TSPO: variants seen among roughly 807,000 people sequenced by gnomAD.
TSPO encodes the protein benzodiazepine peripheral binding site.
Under a neutral mutation model 13.9 loss-of-function variants are expected in TSPO, and 14 were observed. The ratio of observed to expected loss-of-function variants is 1.01; its 90% confidence interval spans 0.67 to 1.58. The LOEUF (loss-of-function observed/expected upper bound fraction) is 1.58, where lower values mean the gene tolerates loss of function less well. TSPO is among the 40% of genes most tolerant of loss of function. The pLI is 0.00. For synonymous variants in TSPO, 114 were observed against 105.9 expected (o/e 1.08, Z -0.47); for missense variants, 232 against 229.6 (o/e 1.01, Z -0.07).
intron 1 of TSPO, among the ~76,000 whole-genome samples, chr22:43,153,720 C>CT (rs992811026): frequency 1.3e-5 from 2 of 151,426 alleles, no homozygotes; most frequent in African/African-American, 2.4e-5. Context: ...AAACGGTAGT[C>CT]TTTTTTATTT....
At chr22:43,154,643 C>CAAAGTGCTGAGATTA (rs1236499654) in intron 1 of TSPO, among the ~76,000 whole-genome samples, 3 of 152,052 alleles carry the variant, frequency 2.0e-5, no homozygotes, top group Admixed American at 1.3e-4. Context: ...CAGGTGTGAG[C>CAAAGTGCTGAGATTA]CACCGTTCCT....
chr22:43,161,233 C>G (rs1423262624), intron 3 of TSPO, 43 bp downstream of exon 3: 1 of 1,583,982 alleles, frequency 6.3e-7, no homozygotes, highest in Admixed American at 1.8e-5. Flanking sequence ...CTGGATCCGA[C>G]CCTTGGAGGA....
At chr22:43,155,714 C>T (rs1303782057) in intron 1 of TSPO, among the ~76,000 whole-genome samples, 2 of 152,144 alleles carry the variant, frequency 1.3e-5, no homozygotes, top group African/African-American at 2.4e-5. Context: ...GGAAGCCAGG[C>T]CCAGAGACGA....
intron 2 of TSPO, among the ~76,000 whole-genome samples, chr22:43,160,671 C>A (rs1228397635): frequency 6.6e-6 from 1 of 152,132 alleles, no homozygotes; most frequent in African/African-American, 2.4e-5. Flanking sequence ...CTGTTTCCTC[C>A]CCTGGAAAAC....
chr22:43,162,144 C>T (rs562818886), intron 3 of TSPO, among the ~76,000 whole-genome samples: 27 of 146,298 alleles, frequency 1.8e-4, no homozygotes, highest in Middle Eastern at 7.4e-3. Context: ...TTTTTTGAGA[C>T]GGAGTCTCGC....
intron 3 of TSPO, among the ~76,000 whole-genome samples, chr22:43,162,462 G>A (rs1292068089): frequency 1.3e-5 from 2 of 152,174 alleles, no homozygotes; most frequent in Non-Finnish European, 2.9e-5. Flanking sequence ...AATGCTGGGA[G>A]GTCAGCATCG....
Position 43,163,109 on chromosome 22 carries a change from G to A in TSPO, c.*118G>A. 6.6e-7 allele frequency: 1 copy of A among 1,506,762 alleles called. No homozygotes were observed. The allele number at this position is 1,506,762 out of a possible 1,614,324, so 93.3% of individuals were successfully genotyped here. On this transcript the variant is annotated 3_prime_UTR_variant, in exon 4 of 4. Transcript: ENST00000337554. Reference sequence around the variant, plus strand: ...CTAGTCTGTCAGGGCCTTGGCCCAGGGGTCAGCAGAGCTTCAGAGGTGGCC... The same window carrying A: ...CTAGTCTGTCAGGGCCTTGGCCCAGAGGTCAGCAGAGCTTCAGAGGTGGCC...
Position 43,159,309 on chromosome 22 carries a change from G to C in TSPO, c.71G>C (p.Arg24Pro). 6.4e-7 allele frequency: 1 copy of C among 1,551,032 alleles called. No homozygotes were observed. Among genetic ancestry groups the C allele is most frequent in the Middle Eastern group, 1.7e-4 (1 of 5,942 alleles). The part of the protein sequence containing the change: ...APSLGCFVGS[R>P]FVHGEGLRWY... ...AGCCTGGGGTGCTTCGTGGGCTCCCGCTTTGTCCACGGCGAGGGTCTCCGC... is the reference window on the plus strand; with the variant it reads ...AGCCTGGGGTGCTTCGTGGGCTCCCCCTTTGTCCACGGCGAGGGTCTCCGC... Residue 24 changes from arginine (R) to proline (P), a missense_variant, in exon 2 of 4, where the codon CGC (arginine) becomes CCC (proline). By Grantham distance (103) the Arg-to-Pro change is moderately radical (BLOSUM62 -2). Coordinates refer to ENST00000337554, the MANE Select transcript of TSPO (RefSeq NM_000714.6).
At position 43,163,241 on chromosome 22, in the gene TSPO, T is replaced by C; in HGVS notation, c.*250T>C. 3.4e-6 allele frequency: 4 copies of C among 1,191,028 alleles called. No individual in the cohort carries two copies. The South Asian group carries it at 6.6e-5, about 20-fold the overall frequency. 73.8% of individuals were successfully genotyped at this position (1,191,028 alleles called of 1,614,324 possible). ...GCTGAATAAAGTTTTTGACTTCCTT[T>C]ACCATGGCCTTTTTGCTTGGGTGGG... On this transcript the variant is annotated 3_prime_UTR_variant, in exon 4 of 4. Coordinates refer to ENST00000337554, the MANE Select transcript of TSPO (RefSeq NM_000714.6).
chr22:43,159,735 GGCA>G (rs1569480078), intron 2 of TSPO: 1 of 304,982 alleles, frequency 3.3e-6, no homozygotes, highest in South Asian at 1.4e-4. Flanking sequence ...GATTAACAAC[GGCA>G]GCAACAGCCC....
At chr22:43,154,200 T>A (rs1931180745) in intron 1 of TSPO, among the ~76,000 whole-genome samples, 1 of 152,072 alleles carries the variant, frequency 6.6e-6, no homozygotes, top group Admixed American at 6.6e-5. Context: ...GAATCATTTT[T>A]AAAAAGCCTG....
rs1243673775 is a variant in TSPO at position 43,158,155 on chromosome 22, C to T, written c.-29-1055C>T. 4.6e-5 allele frequency among the ~76,000 whole-genome samples: 7 copies of T among 152,322 alleles called. No homozygotes were observed. The East Asian group carries it at 5.8e-4, about 13-fold the overall frequency. The stretch of plus-strand genomic sequence containing the variant: ...GTCTCTGCTGACACCCCTCTACCCC[C>T]GCTTGGCTGCCTCCATGTCCCCTGG... On this transcript the variant is annotated intron_variant, in intron 1 of 3. Transcript: ENST00000337554.
intron 1 of TSPO, 40 bp from the exon 2 acceptor site, chr22:43,159,170 C>G (rs1390810524): frequency 1.4e-6 from 2 of 1,400,696 alleles, no homozygotes; most frequent in East Asian, 2.7e-5. Context: ...GACCCCATGG[C>G]CTCAGGAATG....
chr22:43,161,453 T>C (rs1931436141), intron 3 of TSPO, among the ~76,000 whole-genome samples: 2 of 150,830 alleles, frequency 1.3e-5, no homozygotes, highest in Non-Finnish European at 2.9e-5. Context: ...CCTGGTACTG[T>C]GTGGGCAGGG....
chr22:43,159,153 C>A (rs183593889), intron 1 of TSPO, 57 bp from the exon 2 acceptor site: 1 of 1,329,176 alleles, frequency 7.5e-7, no homozygotes, highest in Non-Finnish European at 9.9e-7. Context: ...GGAGGAGACA[C>A]GGGCCTGACC....
Position 43,162,924 on chromosome 22 carries a change from CCA to C in TSPO, c.447_448del (p.Leu150GlnfsTer47), listed in dbSNP as rs1931495279. On this transcript the variant is annotated frameshift_variant, in exon 4 of 4. Coordinates refer to ENST00000337554, the MANE Select transcript of TSPO (RefSeq NM_000714.6). LOFTEE classifies it low-confidence loss of function (END_TRUNC). ...TACCTGGCCTGGCTGGCCTTCACGA[CCA>C]CACTCAACTACTGCGTATGGCGGGA... 6.3e-7 allele frequency: 1 copy of C among 1,597,170 alleles called. No individual in the cohort carries two copies. Among genetic ancestry groups the C allele is most frequent in the African/African-American group, 1.3e-5 (1 of 74,634 alleles).
At chr22:43,157,015 G>T (rs1299960701) in intron 1 of TSPO, among the ~76,000 whole-genome samples, 1 of 152,188 alleles carries the variant, frequency 6.6e-6, no homozygotes, top group African/African-American at 2.4e-5. Flanking sequence ...GCAGGCTCCA[G>T]CAGAGCAGCG....
intron 1 of TSPO, among the ~76,000 whole-genome samples, chr22:43,158,409 G>A (rs1931323081): frequency 6.6e-6 from 1 of 152,152 alleles, no homozygotes; most frequent in South Asian, 2.1e-4. Context: ...GTGGCTTCTT[G>A]TCTCAGACAA....
chr22:43,155,530 T>A (rs1379138796), intron 1 of TSPO, among the ~76,000 whole-genome samples: 1 of 152,190 alleles, frequency 6.6e-6, no homozygotes, highest in East Asian at 1.9e-4. Flanking sequence ...GGTCCAAGCC[T>A]TGAGGCCCTG....
Sources: allele counts gnomAD v4.1 joint callset (sites outside exome capture counted in the v4.1 genomes callset), GRCh38; gene constraint gnomAD v4.1.1; transcripts MANE v1.5; gene names NCBI Gene and HGNC (gene_info 2026-07-23, HGNC 2026-07-21).